The following KCNN3 variants were observed in gnomAD, a reference collection of about 807,000 sequenced individuals.
The protein encoded by KCNN3 is small conductance calcium-activated potassium channel protein 3.
In KCNN3, 16 loss-of-function variants were observed where a neutral mutation model predicts 62.9. The ratio of observed to expected loss-of-function variants is 0.25; its 90% CI spans 0.17 to 0.39. The LOEUF is 0.39. KCNN3 is among the 10% of genes least tolerant of loss of function. The pLI, the probability that KCNN3 is intolerant of heterozygous loss-of-function variation, is 1.00. For missense variants in KCNN3, 599 were observed against 949.4 expected, an observed-to-expected ratio of 0.63 and a Z score of 4.85; for synonymous variants, 370 against 389.2, an observed-to-expected ratio of 0.95 and a Z score of 0.58.
At position 154,870,194 on chromosome 1, in the gene KCNN3, A is replaced by G. The variant is rs1653128767; in HGVS notation, c.-230T>C. ...GGAGAGCAGGAGGGGAGCTTGGAGA[A>G]AGAAGAGGGGGTGAAAGAACTCTCT... On this transcript the variant is annotated 5_prime_UTR_variant, in exon 1 of 8. Transcript: ENST00000271915. The G allele has an allele frequency of 2.9e-6, 2 of 697,010 alleles. No individual in the cohort carries two copies. The allele number at this position is 697,010 out of a possible 1,614,324, so 43.2% of individuals were successfully genotyped here.
Position 154,792,980 on chromosome 1 carries a change from G to A in KCNN3, c.1030-20587C>T, listed in dbSNP as rs1286443136. On this transcript the variant is annotated intron_variant, in intron 2 of 7. Coordinates refer to ENST00000271915, the MANE Select transcript of KCNN3 (RefSeq NM_002249.6). Reference sequence around the variant, plus strand: ...TTTCATTTCCCAGCCAGAGAAAGGGGAGTTCCTTTAGTTGTGGTCCTCGGT... The same window carrying A: ...TTTCATTTCCCAGCCAGAGAAAGGGAAGTTCCTTTAGTTGTGGTCCTCGGT... Among the ~76,000 whole-genome samples the A allele has an allele frequency of 3.3e-5, 5 of 152,240 alleles. No individual in the cohort carries two copies. The South Asian group carries it at 1.0e-3, about 32-fold the overall frequency.
chr1:154,845,606 G>A (rs1652022344), intron 1 of KCNN3, among the ~76,000 whole-genome samples: 1 of 152,168 alleles, frequency 6.6e-6, no homozygotes, highest in Non-Finnish European at 1.5e-5. Flanking sequence ...CTTCTGCAAC[G>A]GACGCAGCAT....
At chr1:154,727,525 T>C (rs1376910401) in intron 4 of KCNN3, among the ~76,000 whole-genome samples, 2 of 152,224 alleles carry the variant, frequency 1.3e-5, no homozygotes, top group Non-Finnish European at 2.9e-5. Context: ...TCACAATGCT[T>C]TCTCCTCGTT....
intron 3 of KCNN3, among the ~76,000 whole-genome samples, chr1:154,738,280 C>T (rs960182): frequency 0.37 from 55,620 of 151,964 alleles, 11,023 homozygotes; most frequent in Admixed American, 0.5. Context: ...ACAACAGCTT[C>T]GGACTTTTTG....
chr1:154,779,606 A>T (rs527558058), intron 2 of KCNN3, among the ~76,000 whole-genome samples: 85 of 152,318 alleles, frequency 5.6e-4, no homozygotes, highest in Non-Finnish European at 1.1e-3. Flanking sequence ...GTTTTCTCAG[A>T]TGTGAGGAAG....
chr1:154,759,071 G>A (rs1647880853), intron 3 of KCNN3, among the ~76,000 whole-genome samples: 1 of 152,182 alleles, frequency 6.6e-6, no homozygotes, highest in African/African-American at 2.4e-5. Context: ...GCCTCCCAAA[G>A]TGCTGGGATT....
At chr1:154,754,492 T>C (rs1264644678) in intron 3 of KCNN3, among the ~76,000 whole-genome samples, 1 of 152,172 alleles carries the variant, frequency 6.6e-6, no homozygotes, top group Non-Finnish European at 1.5e-5. Context: ...AAAGACTACA[T>C]TTTCCCGCCA....
At position 154,805,893 on chromosome 1, in the gene KCNN3, G is replaced by A. The variant is rs191971661; in HGVS notation, c.1029+16196C>T. Among the ~76,000 whole-genome samples the A allele has an allele frequency of 4.8e-3, 736 of 152,296 alleles. 3 individuals carry two copies. Among genetic ancestry groups the A allele is most frequent in the Non-Finnish European group, 7.6e-3 (514 of 68,028 alleles). ...GAATTAAGGATGCAGATAGAATTAA[G>A]GCCGCTAATCAGTTGACTTTAAAAT... On this transcript the variant is annotated intron_variant, in intron 2 of 7. Transcript: ENST00000271915.
At chr1:154,795,932 C>A (rs1235108065) in intron 2 of KCNN3, among the ~76,000 whole-genome samples, 1 of 152,152 alleles carries the variant, frequency 6.6e-6, no homozygotes, top group African/African-American at 2.4e-5. Context: ...TATCTGCCCC[C>A]CTGGGGAGTC....
chr1:154,842,914 G>A (rs540249775), intron 1 of KCNN3, among the ~76,000 whole-genome samples: 1 of 152,238 alleles, frequency 6.6e-6, no homozygotes, highest in East Asian at 1.9e-4. Context: ...ATGTGACCAA[G>A]CCTCAACTTA....
chr1:154,836,191 T>C (rs550895935), intron 1 of KCNN3, among the ~76,000 whole-genome samples: 1 of 152,252 alleles, frequency 6.6e-6, no homozygotes, highest in South Asian at 2.1e-4. Context: ...CTTCCTTCTT[T>C]GAGTGTTGAG....
chr1:154,836,230 C>T (rs548712409), intron 1 of KCNN3, among the ~76,000 whole-genome samples: 2 of 152,304 alleles, frequency 1.3e-5, no homozygotes, highest in South Asian at 2.1e-4. Context: ...GAAGGTACCT[C>T]GTACAAGTGA....
At chr1:154,777,190 G>A (rs557250407) in intron 2 of KCNN3, among the ~76,000 whole-genome samples, 1 of 152,064 alleles carries the variant, frequency 6.6e-6, no homozygotes, top group African/African-American at 2.4e-5. Context: ...GCTCTAAGAA[G>A]CCATAATTCT....
chr1:154,793,413 G>C (rs764090895), intron 2 of KCNN3, among the ~76,000 whole-genome samples: 1 of 152,130 alleles, frequency 6.6e-6, no homozygotes, highest in Non-Finnish European at 1.5e-5. Context: ...GATGGGGAGG[G>C]ATGTCGGGGG....
intron 3 of KCNN3, among the ~76,000 whole-genome samples, chr1:154,755,256 G>A (rs1332854769): frequency 6.6e-6 from 1 of 151,844 alleles, no homozygotes; most frequent in African/African-American, 2.4e-5. Flanking sequence ...TATTGCTTGA[G>A]GCTGGGAGTT....
chr1:154,850,101 A>C (rs1652244237), intron 1 of KCNN3, among the ~76,000 whole-genome samples: 1 of 152,084 alleles, frequency 6.6e-6, no homozygotes, highest in Non-Finnish European at 1.5e-5. Flanking sequence ...AGCCCATACC[A>C]GTTCTACTGT....
At chr1:154,788,592 A>G (rs1891806) in intron 2 of KCNN3, among the ~76,000 whole-genome samples, 48,703 of 151,798 alleles carry the variant, frequency 0.32, 8,105 homozygotes, top group Middle Eastern at 0.39. Context: ...CATTTTCATG[A>G]AGATTACCAT....
chr1:154,845,618 G>A (rs1652022835), intron 1 of KCNN3, among the ~76,000 whole-genome samples: 1 of 152,156 alleles, frequency 6.6e-6, no homozygotes, highest in Non-Finnish European at 1.5e-5. Context: ...ACGCAGCATT[G>A]CTGTGTGGCA....
intron 2 of KCNN3, among the ~76,000 whole-genome samples, chr1:154,811,275 G>C: frequency 6.6e-6 from 1 of 152,124 alleles, no homozygotes; most frequent in Non-Finnish European, 1.5e-5. Context: ...CACAAGCCTT[G>C]GTGGAGGCAC....
Sources: gnomAD v4.1 joint callset for allele counts (sites outside exome capture counted in the v4.1 genomes callset) on GRCh38, gnomAD v4.1.1 for gene constraint, MANE v1.5 for transcripts, NCBI Gene and HGNC (gene_info 2026-07-23, HGNC 2026-07-21) for gene names.